The following LONP2 variants were observed in gnomAD, a reference collection of about 807,000 sequenced individuals.
LONP2 encodes lon peptidase 2, peroxisomal, also known as lon protease homolog 2, peroxisomal.
Under a neutral mutation model 85.6 loss-of-function variants are expected in LONP2, and 60 were observed. The ratio of observed to expected loss-of-function variants is 0.70; its 90% CI spans 0.57 to 0.87. The LOEUF is 0.87. LONP2 is among the 40% of genes least tolerant of loss of function. LONP2 has a pLI of 0.00. For synonymous variants in LONP2, 395 were observed against 389.7 expected (o/e 1.01, Z -0.16); for missense variants, 860 against 1,063.5 (o/e 0.81, Z 2.66).
At chr16:48,268,888 G>C (rs1035792651) in intron 6 of LONP2, among the ~76,000 whole-genome samples, 1 of 152,050 alleles carries the variant, frequency 6.6e-6, no homozygotes, top group African/African-American at 2.4e-5. Context: ...AATATCCTTA[G>C]CAAATTCTAA....
rs1194508628 is a variant in LONP2 at position 48,244,639 on chromosome 16, CGCG to C, written c.233+29_233+31del. ...CTGCACAGGTAGGCCTGGCTGCCCCCGCGGCGGCGGCGGGCGGCGCGGCCTCCT... is the reference window on the plus strand; with the variant it reads ...CTGCACAGGTAGGCCTGGCTGCCCCCGCGGCGGCGGGCGGCGCGGCCTCCT... On this transcript the variant is annotated intron_variant, in intron 1 of 14. Coordinates refer to ENST00000285737, the MANE Select transcript of LONP2 (RefSeq NM_031490.5). 9.3e-5 allele frequency: 124 copies of C among 1,339,136 alleles called. No homozygotes were observed. Among genetic ancestry groups the C allele is most frequent in the South Asian group, 5.3e-4 (28 of 53,286 alleles). The allele number at this position is 1,339,136 out of a possible 1,614,324, so 83.0% of individuals were successfully genotyped here.
intron 14 of LONP2, among the ~76,000 whole-genome samples, chr16:48,350,298 G>A (rs949138298): frequency 3.4e-5 from 5 of 147,458 alleles, no homozygotes; most frequent in Non-Finnish European, 1.5e-5. Flanking sequence ...TGAGGCAGGA[G>A]AATCGCTTGA....
intron 8 of LONP2, among the ~76,000 whole-genome samples, chr16:48,280,683 A>G (rs1455167272): frequency 6.6e-6 from 1 of 152,218 alleles, no homozygotes; most frequent in Non-Finnish European, 1.5e-5. Context: ...GGTTCCTTAC[A>G]GACTGTAAAT....
At chr16:48,254,918 G>A (rs1194087617) in intron 2 of LONP2, among the ~76,000 whole-genome samples, 1 of 152,168 alleles carries the variant, frequency 6.6e-6, no homozygotes, top group Admixed American at 6.5e-5. Context: ...ATTCCTAGTA[G>A]CAAGGGTATT....
At chr16:48,264,810 C>T (rs1395966425) in intron 6 of LONP2, among the ~76,000 whole-genome samples, 1 of 152,200 alleles carries the variant, frequency 6.6e-6, no homozygotes, top group Non-Finnish European at 1.5e-5. Flanking sequence ...TCACAATCCA[C>T]GTTCTTCTGC....
chr16:48,309,096 A>G (rs1471378021), intron 11 of LONP2, among the ~76,000 whole-genome samples: 1 of 152,218 alleles, frequency 6.6e-6, no homozygotes, highest in East Asian at 1.9e-4. Context: ...AATCTATGAG[A>G]TACCATCTTA....
In LONP2 at chr16:48,328,282, A is replaced by G. The variant is rs1791045748; in HGVS notation, c.1796-5934A>G. Among the ~76,000 whole-genome samples, 5 of 151,890 alleles carry G rather than the reference A, an allele frequency of 3.3e-5. No homozygotes were observed. In the South Asian group the frequency reaches 1.0e-3, roughly 32 times the overall value. ...AAAATTGGGCCGGGCGCGGTGGTTC[A>G]CACCTGTAATCCCAGCACTTTGAGA... On this transcript the variant is annotated intron_variant, in intron 11 of 14. Coordinates refer to ENST00000285737, the MANE Select transcript of LONP2 (RefSeq NM_031490.5).
intron 13 of LONP2, 100 bp from the exon 14 acceptor site, chr16:48,348,000 T>G (rs1035131563): frequency 1.1e-5 from 13 of 1,133,154 alleles, no homozygotes; most frequent in Non-Finnish European, 1.6e-5. Context: ...GAAGAATTCA[T>G]TTACCCAAAA....
At chr16:48,303,326 A>G (rs1246131987) in intron 11 of LONP2, 21 bp downstream of exon 11, 1 of 1,609,734 alleles carries the variant, frequency 6.2e-7, no homozygotes, top group East Asian at 2.2e-5. Context: ...TTGTTCTGGC[A>G]TTCTCAGGCC....
intron 6 of LONP2, among the ~76,000 whole-genome samples, chr16:48,266,528 C>T (rs1250976961): frequency 3.9e-5 from 6 of 152,090 alleles, no homozygotes; most frequent in African/African-American, 1.4e-4. Context: ...CGCCCCTTTC[C>T]TCCTTGCCTC....
chr16:48,260,142 A>T (rs899116683), intron 4 of LONP2, among the ~76,000 whole-genome samples: 3 of 152,188 alleles, frequency 2.0e-5, no homozygotes, highest in African/African-American at 7.2e-5. Flanking sequence ...TAATATGTTC[A>T]GTTTTTTATT....
At chr16:48,296,487 G>T (rs2150996206) in intron 9 of LONP2, among the ~76,000 whole-genome samples, 1 of 152,248 alleles carries the variant, frequency 6.6e-6, no homozygotes, top group Admixed American at 6.5e-5. Context: ...CAGCACTTTG[G>T]GAGGCTGAGG....
At chr16:48,249,711 G>A (rs939862887) in intron 1 of LONP2, among the ~76,000 whole-genome samples, 9 of 151,302 alleles carry the variant, frequency 5.9e-5, no homozygotes, top group Non-Finnish European at 1.3e-4. Flanking sequence ...TCCCATCTCT[G>A]TTAAAAAAAG....
At chr16:48,296,620 G>A (rs534479166) in intron 9 of LONP2, among the ~76,000 whole-genome samples, 137 of 151,886 alleles carry the variant, frequency 9.0e-4, no homozygotes, top group African/African-American at 3.0e-3. Context: ...CCACCTACTC[G>A]GGAGGCTGAG....
At position 48,339,205 on chromosome 16, in the gene LONP2, A is replaced by T. The variant is rs537227734; in HGVS notation, c.1938+4847A>T. 3.3e-5 allele frequency among the ~76,000 whole-genome samples: 5 copies of T among 152,352 alleles called. No homozygotes were observed. The East Asian group carries it at 9.6e-4, about 29-fold the overall frequency. ...AAAAACAGAAAGGGACTGGGAAGGA[A>T]CAAGCCTTCAGGGAAGAGGAAAACC... On this transcript the variant is annotated intron_variant, in intron 12 of 14. Transcript: ENST00000285737.
At chr16:48,288,032 T>C (rs555733669) in intron 8 of LONP2, among the ~76,000 whole-genome samples, 1 of 152,336 alleles carries the variant, frequency 6.6e-6, no homozygotes, top group East Asian at 1.9e-4. Flanking sequence ...GGTTACTTCA[T>C]TCAAAGATTT....
chr16:48,357,899 T>C (rs1960435934), downstream of LONP2, among the ~76,000 whole-genome samples: 1 of 152,138 alleles, frequency 6.6e-6, no homozygotes, highest in Middle Eastern at 3.2e-3. Context: ...CACACCAAAC[T>C]GGCCCATGAT....
At chr16:48,289,213 GT>G (rs1972510383) in intron 8 of LONP2, among the ~76,000 whole-genome samples, 1 of 152,186 alleles carries the variant, frequency 6.6e-6, no homozygotes, top group Non-Finnish European at 1.5e-5. Context: ...TTTGGCCAAG[GT>G]TGAGGACGCG....
intron 12 of LONP2, 173 bp downstream of exon 12, chr16:48,334,531 G>A: frequency 2.6e-6 from 2 of 776,446 alleles, no homozygotes; most frequent in Non-Finnish European, 4.5e-6. Context: ...TGCAGCAGTT[G>A]ACTGCATGGG....
Sources: allele counts gnomAD v4.1 joint callset (sites outside exome capture counted in the v4.1 genomes callset), GRCh38; gene constraint gnomAD v4.1.1; transcripts MANE v1.5; gene names NCBI Gene and HGNC (gene_info 2026-07-23, HGNC 2026-07-21).